TNS3: variants seen among roughly 807,000 people sequenced by gnomAD.
The protein encoded by TNS3 is tensin 3.
TNS3 carries 45 observed loss-of-function variants against 140.9 expected under a neutral mutation model. That is an observed-to-expected ratio of 0.32 (90% CI 0.25 to 0.41). TNS3 has a LOEUF of 0.41. Ranked by LOEUF, TNS3 falls within the 10% of genes least tolerant of loss-of-function variation. The pLI, the probability that TNS3 is intolerant of heterozygous loss-of-function variation, is 1.00. For missense variants in TNS3, 1,716 were observed against 1,906.7 expected (o/e 0.90, Z 1.86); for synonymous variants, 815 against 788.4 (o/e 1.03, Z -0.56).
At chr7:47,354,709 T>C (rs1367078825) in intron 17 of TNS3, among the ~76,000 whole-genome samples, 1 of 151,960 alleles carries the variant, frequency 6.6e-6, no homozygotes, top group African/African-American at 2.4e-5. Context: ...CAGACCCCGG[T>C]GATCTGCAGG....
intron 6 of TNS3, among the ~76,000 whole-genome samples, chr7:47,438,137 G>A (rs1370833409): frequency 2.0e-5 from 3 of 152,206 alleles, no homozygotes; most frequent in Admixed American, 1.3e-4. Flanking sequence ...TCAGAGATGT[G>A]AGGAAAGTGG....
At chr7:47,350,306 A>G (rs1184688240) in intron 17 of TNS3, among the ~76,000 whole-genome samples, 3 of 152,192 alleles carry the variant, frequency 2.0e-5, no homozygotes, top group African/African-American at 4.8e-5. Flanking sequence ...AAGGCTTCAC[A>G]AATTCTTCTG....
intron 4 of TNS3, among the ~76,000 whole-genome samples, chr7:47,471,031 G>A (rs1796931555): frequency 6.6e-6 from 1 of 151,982 alleles, no homozygotes; most frequent in East Asian, 1.9e-4. Context: ...GACTGTGGAT[G>A]AGGAGTCTGC....
intron 4 of TNS3, among the ~76,000 whole-genome samples, chr7:47,478,900 CATGT>C (rs1028030253): frequency 6.6e-6 from 1 of 151,380 alleles, no homozygotes; most frequent in African/African-American, 2.4e-5. Context: ...GCATAACATA[CATGT>C]ATGTATTTGT....
At chr7:47,406,876 C>G (rs1793479609) in intron 13 of TNS3, among the ~76,000 whole-genome samples, 1 of 152,158 alleles carries the variant, frequency 6.6e-6, no homozygotes, top group South Asian at 2.1e-4. Flanking sequence ...CAGGGAAAAA[C>G]TGAAGGAAGG....
At chr7:47,397,801 A>G (rs1469591870) in intron 15 of TNS3, among the ~76,000 whole-genome samples, 1 of 152,202 alleles carries the variant, frequency 6.6e-6, no homozygotes, top group African/African-American at 2.4e-5. Flanking sequence ...TAAACTAAAC[A>G]CAAAGCTAGT....
At chr7:47,383,012 T>C (rs80259609) in intron 16 of TNS3, among the ~76,000 whole-genome samples, 1,598 of 152,160 alleles carry the variant, frequency 0.011, 25 homozygotes, top group African/African-American at 0.037. Context: ...AATTCCAGAA[T>C]GGGAAACCAA....
At chr7:47,359,374 G>A (rs1418198381) in intron 17 of TNS3, among the ~76,000 whole-genome samples, 2 of 152,330 alleles carry the variant, frequency 1.3e-5, no homozygotes, top group South Asian at 4.1e-4. Context: ...ATGAGTGAGT[G>A]CCAGGGGTTT....
At chr7:47,470,319 A>G (rs934295492) in intron 4 of TNS3, 32 of 451,498 alleles carry the variant, frequency 7.1e-5, no homozygotes, top group South Asian at 9.2e-5. Flanking sequence ...TGTACACTCT[A>G]TATCTAAAAT....
chr7:47,574,405 G>C (rs975054971), intron 1 of TNS3, among the ~76,000 whole-genome samples: 2 of 151,980 alleles, frequency 1.3e-5, no homozygotes, highest in Non-Finnish European at 2.9e-5. Flanking sequence ...TAAGGACAGC[G>C]GGTGGACACC....
chr7:47,294,513 A>G (rs1014236202), intron 24 of TNS3, among the ~76,000 whole-genome samples: 2 of 152,222 alleles, frequency 1.3e-5, no homozygotes, highest in Admixed American at 6.5e-5. Flanking sequence ...CCCTATGCTA[A>G]TGAGTCCAAC....
At chr7:47,496,809 C>G (rs55934169) in intron 3 of TNS3, among the ~76,000 whole-genome samples, 2,048 of 152,322 alleles carry the variant, frequency 0.013, 22 homozygotes, top group Non-Finnish European at 0.019. Context: ...GGCCCAGATA[C>G]CCTGGCTGCA....
At chr7:47,373,280 T>C (rs1039437119) in intron 16 of TNS3, among the ~76,000 whole-genome samples, 1 of 152,228 alleles carries the variant, frequency 6.6e-6, no homozygotes, top group African/African-American at 2.4e-5. Context: ...TTCAGTTTCC[T>C]GGTTTTACGT....
In TNS3 at chr7:47,541,948, C is replaced by CAA. The variant is rs11314197; in HGVS notation, c.-264-12803_-264-12802dup. On this transcript the variant is annotated intron_variant, in intron 1 of 30. Coordinates refer to ENST00000311160, the MANE Select transcript of TNS3 (RefSeq NM_022748.12). ...TGGGCAACAGAGCGAGACTCCATCT[C>CAA]AAAAAAAAAAAAGCAAATGACCACA... is the stretch of plus-strand genomic sequence containing the variant. 1.8e-3 allele frequency among the ~76,000 whole-genome samples: 240 copies of CAA among 131,024 alleles called. 3 individuals carry two copies. Among genetic ancestry groups the CAA allele is most frequent in the African/African-American group, 6.4e-3 (222 of 34,820 alleles). 86.0% of individuals were successfully genotyped at this position (131,024 alleles called of 152,430 possible). A position where few individuals can be genotyped will look rare whatever the true frequency, so the allele number is the denominator to read the frequency against.
chr7:47,537,056 T>G (rs1799625229), intron 1 of TNS3, among the ~76,000 whole-genome samples: 1 of 150,874 alleles, frequency 6.6e-6, no homozygotes, highest in Non-Finnish European at 1.5e-5. Flanking sequence ...CGCGACCGGG[T>G]TCCGCGCGCG....
intron 4 of TNS3, among the ~76,000 whole-genome samples, chr7:47,477,039 G>C (rs1283261218): frequency 2.0e-5 from 3 of 152,148 alleles, no homozygotes; most frequent in Non-Finnish European, 4.4e-5. Flanking sequence ...TCTCCATTGT[G>C]TCTTAAATGC....
At chr7:47,500,385 G>A (rs1798167470) in intron 3 of TNS3, among the ~76,000 whole-genome samples, 1 of 152,224 alleles carries the variant, frequency 6.6e-6, no homozygotes. Context: ...AGCCCGTGCT[G>A]GCCGCGTGAG....
chr7:47,483,714 G>A (rs1187988463), intron 3 of TNS3, among the ~76,000 whole-genome samples: 1 of 152,212 alleles, frequency 6.6e-6, no homozygotes, highest in Non-Finnish European at 1.5e-5. Flanking sequence ...CACCTGGCCT[G>A]GCCCCAGGGT....
chr7:47,341,540 T>C (rs75402002), intron 20 of TNS3, among the ~76,000 whole-genome samples: 1 of 152,164 alleles, frequency 6.6e-6, no homozygotes, highest in African/African-American at 2.4e-5. Flanking sequence ...TATTCCTTCA[T>C]TATTCTTTTG....
Sources: gnomAD v4.1 joint callset for allele counts (sites outside exome capture counted in the v4.1 genomes callset) on GRCh38, gnomAD v4.1.1 for gene constraint, MANE v1.5 for transcripts, NCBI Gene and HGNC (gene_info 2026-07-23, HGNC 2026-07-21) for gene names.